Variants in GPSM2 observed in about 807,000 individuals in gnomAD.
The protein encoded by GPSM2 is G protein signaling modulator 2.
A neutral mutation model predicts 78.4 loss-of-function variants in GPSM2; 58 were observed. The observed-to-expected ratio is 0.74, with a 90% CI of 0.60 to 0.92. GPSM2 has a LOEUF of 0.92. GPSM2 is among the 40% of genes least tolerant of loss of function. GPSM2 has a pLI of 0.00. For missense variants in GPSM2, 700 were observed against 815.5 expected (o/e 0.86, Z 1.73); for synonymous variants, 224 against 280.2 (o/e 0.80, Z 2.00).
rs1651627427 is a variant in GPSM2, at chr1:108,929,908, A to T, written c.2023A>T (p.Lys675Ter). ...GCAAAATAATGCTTTGTTGGAGTTT[A>T]AAAATTCAGGGAAAAAATCGGCAGA... ...FLQNNALLEF[K>*]NSGKKSADH Residue 675 changes from lysine to a stop codon, truncating the protein, a stop_gained, in exon 15 of 15, where the codon AAA (lysine) becomes TAA (stop). Coordinates refer to ENST00000264126, the MANE Select transcript of GPSM2 (RefSeq NM_013296.5). LOFTEE classifies it high-confidence loss of function. The T allele has an allele frequency of 6.2e-7, 1 of 1,613,534 alleles. No homozygotes were observed. Among genetic ancestry groups the T allele is most frequent in the Non-Finnish European group, 8.5e-7 (1 of 1,179,568 alleles).
intron 12 of GPSM2, among the ~76,000 whole-genome samples, chr1:108,920,081 T>G (rs919980873): frequency 1.3e-5 from 2 of 152,062 alleles, no homozygotes; most frequent in Admixed American, 6.6e-5. Context: ...GTGGGAGGAC[T>G]GCTTGAGCCT....
chr1:108,882,874 G>A (rs1647232267), intron 1 of GPSM2, among the ~76,000 whole-genome samples: 1 of 152,174 alleles, frequency 6.6e-6, no homozygotes, highest in African/African-American at 2.4e-5. Context: ...GCTATTTGAT[G>A]TGTTGATAGC....
intron 14 of GPSM2, among the ~76,000 whole-genome samples, chr1:108,924,970 A>C (rs777780964): frequency 6.6e-6 from 1 of 152,230 alleles, no homozygotes; most frequent in Admixed American, 6.5e-5. Context: ...ATGGTGATGC[A>C]GGCAAAAAAT....
intron 10 of GPSM2, chr1:108,910,091 A>T (rs1443875301): frequency 6.6e-6 from 1 of 152,136 alleles, no homozygotes; most frequent in Non-Finnish European, 1.5e-5. Flanking sequence ...TTTAATTTTG[A>T]CTAAGTCTAC....
intron 11 of GPSM2, among the ~76,000 whole-genome samples, chr1:108,914,946 TC>T (rs941745739): frequency 4.6e-4 from 70 of 152,302 alleles, no homozygotes; most frequent in African/African-American, 1.6e-3. Flanking sequence ...AGATACATCT[TC>T]CCTAGGCTTT....
At chr1:108,909,471 C>T (rs1344275645) in intron 10 of GPSM2, 1 of 152,102 alleles carries the variant, frequency 6.6e-6, no homozygotes, top group Non-Finnish European at 1.5e-5. Flanking sequence ...GAAAACATAA[C>T]ATTTCTCAGT....
chr1:108,897,537 G>C lies in GPSM2; in HGVS notation c.324G>C (p.Leu108=). ...GGGAAGCGAAAGCTAGTGGTAATCTGGGAAACACCTTAAAAGTTCTTGGGA... is the reference window on the plus strand; with the variant it reads ...GGGAAGCGAAAGCTAGTGGTAATCTCGGAAACACCTTAAAAGTTCTTGGGA... ...QLGEAKASGN[L]GNTLKVLGNF... Residue 108 remains leucine (L), a synonymous_variant, in exon 4 of 15, where the codon CTG becomes CTC. Coordinates refer to ENST00000264126, the MANE Select transcript of GPSM2 (RefSeq NM_013296.5). 1 of 1,613,222 alleles carries C rather than the reference G, an allele frequency of 6.2e-7. No individual in the cohort carries two copies. The highest frequency in any genetic ancestry group is 8.5e-7 in the Non-Finnish European group (1 of 1,179,596).
Position 108,932,366 on chromosome 1 carries a change from CT to C in GPSM2, c.*2430del, listed in dbSNP as rs1362928025. 2 of 152,190 alleles carry C rather than the reference CT, an allele frequency of 1.3e-5. No individual in the cohort carries two copies. Among genetic ancestry groups the C allele is most frequent in the African/African-American group, 4.8e-5 (2 of 41,436 alleles). 9.4% of individuals were successfully genotyped at this position (152,190 alleles called of 1,614,324 possible). On this transcript the variant is annotated 3_prime_UTR_variant, in exon 15 of 15. Transcript: ENST00000264126. ...AAACAAGTCTTATCTCATCTCATCTCTTTTCTGATAACAAACACCCGATGTG... is the reference window on the plus strand; with the variant it reads ...AAACAAGTCTTATCTCATCTCATCTCTTTCTGATAACAAACACCCGATGTG...
Position 108,879,117 on chromosome 1 carries a change from T to TA in GPSM2, c.-249+1892dup, listed in dbSNP as rs1282876708. Among the ~76,000 whole-genome samples, 19 of 152,382 alleles carry TA rather than the reference T, an allele frequency of 1.2e-4. No homozygotes were observed. The East Asian group carries it at 3.7e-3, about 29-fold the overall frequency. ...CTTCATTATTTTATAAATCATCTTA[T>TA]AAATCACATTATATTTTCAATATCT... is the stretch of plus-strand genomic sequence containing the variant. On this transcript the variant is annotated intron_variant, in intron 1 of 14. Coordinates refer to ENST00000264126, the MANE Select transcript of GPSM2 (RefSeq NM_013296.5).
At position 108,930,113 on chromosome 1, in the gene GPSM2, G is replaced by A. The variant is rs1411037891; in HGVS notation, c.*173G>A. 1.3e-5 allele frequency: 8 copies of A among 638,506 alleles called. No individual in the cohort carries two copies. Among genetic ancestry groups the A allele is most frequent in the East Asian group, 8.3e-5 (3 of 36,128 alleles). The allele number at this position is 638,506 out of a possible 1,614,324, so 39.6% of individuals were successfully genotyped here. A position where few individuals can be genotyped will look rare whatever the true frequency, so the allele number is the denominator to read the frequency against. On this transcript the variant is annotated 3_prime_UTR_variant, in exon 15 of 15. Coordinates refer to ENST00000264126, the MANE Select transcript of GPSM2 (RefSeq NM_013296.5). ...GGCATTAATACTTCTCTGGACATGC[G>A]CGTTTGAGGGTGGAGGGGTCCTGTA...
In GPSM2 at chr1:108,931,564, T is replaced by C. The variant is rs532969537; in HGVS notation, c.*1624T>C. The C allele has an allele frequency of 1.6e-5, 23 of 1,476,022 alleles. No homozygotes were observed. In the Admixed American group the frequency reaches 2.6e-4, roughly 17 times the overall value. 91.4% of individuals were successfully genotyped at this position (1,476,022 alleles called of 1,614,324 possible). A position where few individuals can be genotyped will look rare whatever the true frequency, so the allele number is the denominator to read the frequency against. The stretch of plus-strand genomic sequence containing the variant: ...TGATTTGGATGGGCAAATAGAACTA[T>C]TTCTCTAATGGCCAATGTTTTTTAA... On this transcript the variant is annotated 3_prime_UTR_variant, in exon 15 of 15. Coordinates refer to ENST00000264126, the MANE Select transcript of GPSM2 (RefSeq NM_013296.5).
chr1:108,922,673 T>C, intron 13 of GPSM2, 97 bp downstream of exon 13: 1 of 1,030,670 alleles, frequency 9.7e-7, no homozygotes, highest in East Asian at 2.4e-5. Flanking sequence ...AGAGATATAA[T>C]AAATGAGCCT....
chr1:108,896,812 G>GTGA, intron 2 of GPSM2, 52 bp from the exon 3 acceptor site: 1 of 1,321,800 alleles, frequency 7.6e-7, no homozygotes, highest in Non-Finnish European at 1.1e-6. Context: ...TAAAAATACT[G>GTGA]TGATGCAGCT....
chr1:108,895,976 GC>G (rs1648333560), intron 2 of GPSM2, among the ~76,000 whole-genome samples: 2 of 152,066 alleles, frequency 1.3e-5, no homozygotes, highest in African/African-American at 4.8e-5. Context: ...AAGATAGTGT[GC>G]CAATTTAAAG....
intron 14 of GPSM2, among the ~76,000 whole-genome samples, chr1:108,924,878 G>T (rs1438191699): frequency 1.3e-5 from 2 of 152,140 alleles, no homozygotes; most frequent in East Asian, 3.9e-4. Flanking sequence ...TACTGGGAGT[G>T]TCCTCAAAGA....
intron 2 of GPSM2, among the ~76,000 whole-genome samples, chr1:108,891,577 C>G (rs1647971498): frequency 6.6e-6 from 1 of 152,046 alleles, no homozygotes; most frequent in South Asian, 2.1e-4. Context: ...TTACTGCACC[C>G]TCTGCCTACT....
intron 10 of GPSM2, among the ~76,000 whole-genome samples, chr1:108,913,056 A>G (rs1327159574): frequency 6.6e-6 from 1 of 152,182 alleles, no homozygotes; most frequent in African/African-American, 2.4e-5. Flanking sequence ...CAGTATTCAA[A>G]TGATGCAGGG....
chr1:108,898,114 T>C lies in GPSM2; in HGVS notation c.557+13T>C, dbSNP rs780648618. 2 of 1,612,250 alleles carry C rather than the reference T, an allele frequency of 1.2e-6. No individual in the cohort carries two copies. The highest frequency in any genetic ancestry group is 1.7e-6 in the Non-Finnish European group (2 of 1,178,312). ...TGGATTTTTATGAGTGAGTAGGGGCTGATATGGGCAGTCATGTAGGCCCAT... is the reference window on the plus strand; with the variant it reads ...TGGATTTTTATGAGTGAGTAGGGGCCGATATGGGCAGTCATGTAGGCCCAT... On this transcript the variant is annotated intron_variant, in intron 5 of 14. Transcript: ENST00000264126.
intron 1 of GPSM2, among the ~76,000 whole-genome samples, chr1:108,884,006 G>A (rs1647317595): frequency 6.6e-6 from 1 of 151,852 alleles, no homozygotes; most frequent in African/African-American, 2.4e-5. Context: ...CCGCCTCCCG[G>A]GTTCAGGCTC....
Sources: gnomAD v4.1 joint callset for allele counts (sites outside exome capture counted in the v4.1 genomes callset) on GRCh38, gnomAD v4.1.1 for gene constraint, MANE v1.5 for transcripts, NCBI Gene and HGNC (gene_info 2026-07-23, HGNC 2026-07-21) for gene names.